Variants in KCNMB3 observed in about 807,000 individuals in gnomAD.
KCNMB3 encodes the protein calcium-activated potassium channel subunit beta-3.
A neutral mutation model predicts 11.9 loss-of-function variants in KCNMB3; 18 were observed. The ratio of observed to expected loss-of-function variants is 1.51; its 90% CI spans 1.04 to 2.23. The LOEUF is 2.23. KCNMB3 is among the 30% of genes most tolerant of loss of function. The probability of loss-of-function intolerance (pLI) is 0.00; values close to 1 mark genes in which losing one functional copy is unlikely to be tolerated. For synonymous variants in KCNMB3, 78 were observed against 119.2 expected (o/e 0.65, Z 2.25); for missense variants, 247 against 329.4 (o/e 0.75, Z 1.94).
chr3:179,244,495 C>T lies in KCNMB3; in HGVS notation c.447G>A (p.Lys149=). ...YNEEAVQINP[K]CFYTPKCHQD... ...AAGAACTCTTTAAACTTTACAATAC[C>T]TTGGGATTTATCTGGACAGCCTCTT... Residue 149 remains lysine (K), a splice_region_variant and synonymous_variant, in exon 2 of 3, where the codon AAG becomes AAA. Coordinates refer to ENST00000392685, the MANE Select transcript of KCNMB3 (RefSeq NM_171830.2). The T allele has an allele frequency of 6.2e-7, 1 of 1,613,594 alleles. No homozygotes were observed. The highest frequency in any genetic ancestry group is 8.5e-7 in the Non-Finnish European group (1 of 1,179,498).
chr3:179,265,494 T>C (rs933130068), intron 1 of KCNMB3, among the ~76,000 whole-genome samples: 1 of 152,230 alleles, frequency 6.6e-6, no homozygotes, highest in African/African-American at 2.4e-5. Flanking sequence ...TTGGCTCTTG[T>C]CGCCCAGGCT....
chr3:179,244,692 T>G lies in KCNMB3; in HGVS notation c.250A>C (p.Ile84Leu), dbSNP rs1268606484. The G allele has an allele frequency of 3.1e-6, 5 of 1,595,156 alleles. No individual in the cohort carries two copies. Among genetic ancestry groups the G allele is most frequent in the Non-Finnish European group, 4.3e-6 (5 of 1,175,252 alleles). ...GTGCAGGTCGATTCTTCTCTCTGAATGCTTCAATTTGAAAAAAAAAAAATG... is the reference window on the plus strand; with the variant it reads ...GTGCAGGTCGATTCTTCTCTCTGAAGGCTTCAATTTGAAAAAAAAAAAATG... ...TTILKPFMLS[I>L]QREESTCTAI... Residue 84 changes from isoleucine to leucine, a missense_variant and splice_region_variant, in exon 2 of 3, where the codon ATT becomes CTT. By Grantham distance (5) the Ile-to-Leu change is conservative. Transcript: ENST00000392685.
chr3:179,240,411 G>A (rs1725424612), downstream of KCNMB3: 2 of 171,508 alleles, frequency 1.2e-5, no homozygotes, highest in African/African-American at 2.4e-5. Context: ...ATGAATGTAT[G>A]TATGTATATG....
intron 1 of KCNMB3, among the ~76,000 whole-genome samples, chr3:179,257,838 AATGTGCTAGGGTTACAGGC>A (rs1356861145): frequency 6.6e-6 from 1 of 151,752 alleles, no homozygotes; most frequent in Non-Finnish European, 1.5e-5. Flanking sequence ...TTGGCTTCCC[AATGTGCTAGGGTTACAGGC>A]ATGAAAACAT....
intron 1 of KCNMB3, among the ~76,000 whole-genome samples, chr3:179,257,854 A>T (rs973532987): frequency 3.5e-5 from 5 of 144,646 alleles, no homozygotes; most frequent in Non-Finnish European, 1.5e-5. Flanking sequence ...CTAGGGTTAC[A>T]GGCATGAAAA....
At chr3:179,245,720 T>G (rs1268505220) in intron 1 of KCNMB3, among the ~76,000 whole-genome samples, 1 of 152,178 alleles carries the variant, frequency 6.6e-6, no homozygotes, top group Non-Finnish European at 1.5e-5. Context: ...TGGCTGGCCT[T>G]GAACTCCTGA....
intron 1 of KCNMB3, among the ~76,000 whole-genome samples, chr3:179,266,376 C>T (rs1010676021): frequency 6.6e-6 from 1 of 152,184 alleles, no homozygotes; most frequent in African/African-American, 2.4e-5. Context: ...ATGGGCTGGG[C>T]TATGATCAGT....
chr3:179,254,243 C>T (rs538776710), upstream of KCNMB3, among the ~76,000 whole-genome samples: 34 of 152,260 alleles, frequency 2.2e-4, no homozygotes, highest in Admixed American at 5.9e-4. Flanking sequence ...TCACCCACAC[C>T]GTACCACTCC....
chr3:179,261,172 GCGGGCCTCCCGTTTTGCGGCGAGC>G, intron 1 of KCNMB3: 1 of 1,335,182 alleles, frequency 7.5e-7, no homozygotes, highest in Non-Finnish European at 1.0e-6. Context: ...GAGCCTCCGC[GCGGGCCTCCCGTTTTGCGGCGAGC>G]CGGGCCTCCG....
intron 1 of KCNMB3, among the ~76,000 whole-genome samples, chr3:179,263,910 A>T (rs1726302232): frequency 6.9e-6 from 1 of 144,676 alleles, no homozygotes; most frequent in African/African-American, 2.6e-5. Flanking sequence ...GGTTCAAGCA[A>T]TTCTCCTGCC....
intron 1 of KCNMB3, among the ~76,000 whole-genome samples, chr3:179,266,360 C>G (rs1336866510): frequency 6.6e-6 from 1 of 152,192 alleles, no homozygotes; most frequent in Non-Finnish European, 1.5e-5. Flanking sequence ...TTCTTGAGCA[C>G]CAACTATGGG....
upstream of KCNMB3, among the ~76,000 whole-genome samples, chr3:179,255,161 T>G (rs1968207): frequency 0.47 from 69,950 of 150,022 alleles, 18,084 homozygotes; most frequent in East Asian, 0.87. Context: ...CAAGACTCTA[T>G]CTCAAAAAAA....
At chr3:179,248,598 C>T (rs1725722677) in intron 1 of KCNMB3, among the ~76,000 whole-genome samples, 1 of 151,832 alleles carries the variant, frequency 6.6e-6, no homozygotes, top group Admixed American at 6.6e-5. Context: ...TATGGTGGCA[C>T]ACACCTGTGG....
chr3:179,259,977 A>G (rs111754883), intron 1 of KCNMB3: 1 of 1,612,942 alleles, frequency 6.2e-7, no homozygotes, highest in Non-Finnish European at 8.5e-7. Context: ...TGTACTCTGC[A>G]CTGGAACCTC....
chr3:179,259,115 T>G lies in KCNMB3; in HGVS notation c.62+7534A>C, dbSNP rs371502425. The G allele has an allele frequency of 1.2e-3, 1,912 of 1,586,812 alleles. 20 individuals are homozygous for G. In the South Asian group the frequency reaches 0.012, roughly 10 times the overall value. On this transcript the variant is annotated intron_variant, in intron 1 of 3. Coordinates refer to the KCNMB3 transcript ENST00000349697. ...GATTGAAGTCCCCCGGCTCTCCTCC[T>G]GGTGCCAACAAGTCATGGTTTTTTA...
rs553168949 is a variant in KCNMB3 at position 179,261,336 on chromosome 3, C to CG, written c.62+5312_62+5313insC. The stretch of plus-strand genomic sequence containing the variant: ...CTCGGGGACCGTGCCGGAGCCCCCC[C>CG]CCGCGGGCCGGGCCAGGGGGCGCGC... On this transcript the variant is annotated intron_variant, in intron 1 of 3. Coordinates refer to the KCNMB3 transcript ENST00000349697. The CG allele has an allele frequency of 3.4e-4, 407 of 1,182,044 alleles. 1 individual carries two copies. The African/African-American group carries it at 5.8e-3, about 17-fold the overall frequency. The allele number at this position is 1,182,044 out of a possible 1,614,324, so 73.2% of individuals were successfully genotyped here. A position where few individuals can be genotyped will look rare whatever the true frequency, so the allele number is the denominator to read the frequency against.
At chr3:179,240,556 A>G (rs1439550919), downstream of KCNMB3, 2 of 152,308 alleles carry the variant, frequency 1.3e-5, no homozygotes, top group Non-Finnish European at 2.9e-5. Context: ...TTCTTTGACC[A>G]TTAATGCACA....
At chr3:179,259,946 G>C in intron 1 of KCNMB3, 1 of 1,612,770 alleles carries the variant, frequency 6.2e-7, no homozygotes, top group Non-Finnish European at 8.5e-7. Context: ...CCTCTTCTTC[G>C]TTGTGATCCC....
upstream of KCNMB3, among the ~76,000 whole-genome samples, chr3:179,253,589 T>A (rs1395940567): frequency 1.3e-5 from 2 of 152,184 alleles, no homozygotes; most frequent in African/African-American, 4.8e-5. Flanking sequence ...GCAGATCACC[T>A]GAGCTCAGGA....
Sources: allele counts gnomAD v4.1 joint callset (sites outside exome capture counted in the v4.1 genomes callset), GRCh38; gene constraint gnomAD v4.1.1; transcripts MANE v1.5; gene names NCBI Gene and HGNC (gene_info 2026-07-23, HGNC 2026-07-21).